Variants in FBXO9 observed in about 807,000 individuals in gnomAD.
FBXO9 encodes the protein F-box protein 9.
FBXO9 carries 43 observed loss-of-function variants against 63.7 expected under a neutral mutation model. The observed-to-expected ratio is 0.67, with a 90% confidence interval of 0.53 to 0.87. The LOEUF is 0.87. Among genes scored for constraint, FBXO9 ranks in the 40% least tolerant of loss-of-function variants. FBXO9 has a pLI of 0.00. For synonymous variants in FBXO9, 156 were observed against 171.7 expected, an observed-to-expected ratio of 0.91 and a Z score of 0.72; for missense variants, 442 against 533.2, an observed-to-expected ratio of 0.83 and a Z score of 1.68.
chr6:53,093,346 G>GC, intron 9 of FBXO9, 120 bp from the exon 10 acceptor site: 1 of 597,030 alleles, frequency 1.7e-6, no homozygotes, highest in Non-Finnish European at 2.9e-6. Context: ...CAGTTCTTTA[G>GC]CCCGTGGTAT....
intron 5 of FBXO9, among the ~76,000 whole-genome samples, chr6:53,079,652 G>T (rs1769241378): frequency 1.3e-5 from 2 of 152,074 alleles, no homozygotes; most frequent in East Asian, 3.8e-4. Flanking sequence ...GAAGAGAAGG[G>T]AGTCTGTACC....
In FBXO9 at chr6:53,068,657, T is replaced by G. The variant is rs542375943; in HGVS notation, c.4-2400T>G. Among the ~76,000 whole-genome samples, 358 of 148,462 alleles carry G rather than the reference T, an allele frequency of 2.4e-3. 1 individual carries two copies. The highest frequency in any genetic ancestry group is 7.7e-3 in the African/African-American group (315 of 40,848). ...TACGGAATATATATATATATGTGTT[T>G]TTTTTTTTTTTTTGAGACAGGGTCT... On this transcript the variant is annotated intron_variant, in intron 1 of 12. Coordinates refer to ENST00000323557, the MANE Select transcript of FBXO9 (RefSeq NM_033480.3).
intron 12 of FBXO9, 72 bp from the exon 13 acceptor site, chr6:53,097,650 C>A: frequency 1.2e-6 from 1 of 842,734 alleles, no homozygotes; most frequent in Non-Finnish European, 1.9e-6. Flanking sequence ...GAATAACCTT[C>A]CCCAAACACA....
rs757980268 is a variant in FBXO9, at chr6:53,081,092, A to G, written c.532A>G (p.Ile178Val). The G allele has an allele frequency of 3.7e-6, 6 of 1,609,428 alleles. No homozygotes were observed. The highest frequency in any genetic ancestry group is 3.3e-5 in the South Asian group (3 of 90,544). ...TGAGCTTGAGAGCAGTCAGATTCAC[A>G]TATCAGGTGTGAATACTTGTTTTTC... ...QPELESSQIH[I>V]SVLPMEVLMY... Residue 178 changes from isoleucine (I) to valine (V), a missense_variant, in exon 6 of 13, where the codon ATA becomes GTA. Physicochemically the swap from Ile to Val is conservative, Grantham distance 29 (BLOSUM62 3). Coordinates refer to ENST00000323557, the MANE Select transcript of FBXO9 (RefSeq NM_033480.3).
At chr6:53,066,070 C>G (rs1298463959) in intron 1 of FBXO9, 4 of 1,214,872 alleles carry the variant, frequency 3.3e-6, no homozygotes, top group Non-Finnish European at 4.1e-6. Context: ...GGGAAAATGT[C>G]CCTTCTCGGC....
At chr6:53,090,687 G>A (rs1763016255) in intron 7 of FBXO9, among the ~76,000 whole-genome samples, 1 of 152,056 alleles carries the variant, frequency 6.6e-6, no homozygotes. Flanking sequence ...ACTTATTTAT[G>A]AATGAATGAA....
chr6:53,091,140 G>A (rs1228221280), intron 7 of FBXO9: 1 of 152,138 alleles, frequency 6.6e-6, no homozygotes, highest in African/African-American at 2.4e-5. Context: ...ACCCAGGGAG[G>A]GGTGAACTAG....
chr6:53,073,481 GCAC>G lies in FBXO9; in HGVS notation c.92_94del (p.Ala31_Gln32delinsGlu). On this transcript the variant is annotated inframe_deletion and splice_region_variant, in exon 3 of 13. Transcript: ENST00000323557. ...TCCTAAAATGCTGTTCTCCCCATAG[GCAC>G]AACTCCAGATGTTCCGAGCTCAGTG... is the stretch of plus-strand genomic sequence containing the variant. 6.2e-7 allele frequency: 1 copy of G among 1,613,018 alleles called. No homozygotes were observed. Among genetic ancestry groups the G allele is most frequent in the Non-Finnish European group, 8.5e-7 (1 of 1,179,428 alleles).
Position 53,078,871 on chromosome 6 carries a change from C to T in FBXO9, c.380C>T (p.Pro127Leu). The change falls in exon 5 of 13, where the codon CCA becomes CTA. Residue 127 changes from proline (P) to leucine (L), a missense_variant. By Grantham distance (98) the Pro-to-Leu change is moderately conservative. This residue lies in a region of FBXO9 where 180 missense variants were observed against 171.1 expected (regional missense o/e 1.05). Transcript: ENST00000323557. ...IEFKITYTRS[P>L]DGDGVGNSYI... ...TTCAAGATTACTTATACCCGGTCTC[C>T]AGATGGTGATGGCGTTGGAAACAGC... 1.2e-6 allele frequency: 2 copies of T among 1,613,774 alleles called. No homozygotes were observed. The highest frequency in any genetic ancestry group is 8.5e-7 in the Non-Finnish European group (1 of 1,179,716).
At chr6:53,090,587 G>T (rs1264086294) in intron 7 of FBXO9, among the ~76,000 whole-genome samples, 2 of 152,194 alleles carry the variant, frequency 1.3e-5, no homozygotes, top group Non-Finnish European at 2.9e-5. Context: ...AACTTTAAAA[G>T]CAAACATTTT....
intron 7 of FBXO9, among the ~76,000 whole-genome samples, chr6:53,089,273 C>T (rs191782823): frequency 5.9e-5 from 9 of 152,166 alleles, no homozygotes; most frequent in African/African-American, 2.2e-4. Context: ...GATGGGGTTT[C>T]ACCATGTTAG....
chr6:53,075,734 A>ATTTTTTTTTTTTTTTTT lies in FBXO9; in HGVS notation c.250-750_250-749insTTTTTTTTTTTTTTTTT, dbSNP rs761159029. ...TAATTGGATTACATATATATATATAATTATTTTTTTTTTTTTTTTTTTTTT... is the reference window on the plus strand; with the variant it reads ...TAATTGGATTACATATATATATATAATTTTTTTTTTTTTTTTTTTATTTTTTTTTTTTTTTTTTTTTT... On this transcript the variant is annotated intron_variant, in intron 3 of 12. Transcript: ENST00000323557. Among the ~76,000 whole-genome samples the ATTTTTTTTTTTTTTTTT allele has an allele frequency of 7.3e-5, 6 of 82,180 alleles. 1 individual carries two copies. The highest frequency in any genetic ancestry group is 4.0e-4 in the East Asian group (1 of 2,472). The allele number at this position is 82,180 out of a possible 152,430, so 53.9% of individuals were successfully genotyped here.
chr6:53,070,643 A>G (rs1292540757), intron 1 of FBXO9, among the ~76,000 whole-genome samples: 1 of 152,204 alleles, frequency 6.6e-6, no homozygotes, highest in Non-Finnish European at 1.5e-5. Context: ...GTATATGAGA[A>G]GATGTGCATA....
In FBXO9 at chr6:53,087,922, C is replaced by T. The variant is rs550442547; in HGVS notation, c.654-4507C>T. Among the ~76,000 whole-genome samples, 21 of 152,290 alleles carry T rather than the reference C, an allele frequency of 1.4e-4. 1 individual carries two copies. In the South Asian group the frequency reaches 4.4e-3, roughly 32 times the overall value. ...TCTTCAATTATAGCCAACTTGACCA[C>T]ACACAAAATCTTTTATGAACCTTAT... On this transcript the variant is annotated intron_variant, in intron 7 of 12. Transcript: ENST00000323557.
chr6:53,097,779 G>A lies in FBXO9; in HGVS notation c.1263G>A (p.Leu421=). Residue 421 remains leucine, a synonymous_variant, in exon 13 of 13, where the codon TTG becomes TTA. Transcript: ENST00000323557. ...AGATTGACAAGATGTACACCCCCTT[G>A]TTCTTCGCCAGAGTAAGGAGCTACA... The part of the protein sequence containing the change: ...AFEIDKMYTP[L]FFARVRSYTA... 8.1e-6 allele frequency: 13 copies of A among 1,609,020 alleles called. No individual in the cohort carries two copies. The highest frequency in any genetic ancestry group is 1.1e-5 in the Non-Finnish European group (13 of 1,177,492).
At chr6:53,084,496 A>G (rs554780806) in intron 7 of FBXO9, among the ~76,000 whole-genome samples, 83 of 152,290 alleles carry the variant, frequency 5.5e-4, no homozygotes, top group African/African-American at 2.0e-3. Flanking sequence ...AAGTCTTATG[A>G]TATGGTTCTG....
intron 1 of FBXO9, among the ~76,000 whole-genome samples, chr6:53,070,009 C>CT (rs999829603): frequency 9.0e-6 from 1 of 111,618 alleles, no homozygotes; most frequent in East Asian, 2.6e-4. Flanking sequence ...TTTTTCTTTT[C>CT]TTTTTTCCTT....
chr6:53,087,341 CAAA>C (rs58776188), intron 7 of FBXO9, among the ~76,000 whole-genome samples: 1 of 48,418 alleles, frequency 2.1e-5, no homozygotes, highest in Non-Finnish European at 4.3e-5. Context: ...GATCCTATCT[CAAA>C]AAAAAAAAAA....
In FBXO9 at chr6:53,081,006, T is replaced by A. The variant is rs1455821305; in HGVS notation, c.446T>A (p.Leu149His). ...DNDDDSKMAD[L>H]LSYFQQQLTF... ...GATGATGACAGCAAAATGGCAGATC[T>A]CTTGTCCTACTTCCAGCAGCAACTC... The change falls in exon 6 of 13, where the codon CTC (leucine) becomes CAC (histidine). Residue 149 changes from leucine (L) to histidine (H), a missense_variant. By Grantham distance (99) the Leu-to-His change is moderately conservative. Around this residue, in one of 2 missense-constraint regions of FBXO9, gnomAD observed 262 missense variants for 362.1 expected, o/e 0.72. Transcript: ENST00000323557. The A allele has an allele frequency of 6.2e-7, 1 of 1,613,678 alleles. No individual in the cohort carries two copies. Among genetic ancestry groups the A allele is most frequent in the Non-Finnish European group, 8.5e-7 (1 of 1,179,890 alleles).
Sources: allele counts gnomAD v4.1 joint callset (sites outside exome capture counted in the v4.1 genomes callset), GRCh38; gene constraint gnomAD v4.1.1; regional missense constraint gnomAD v4.1.1; transcripts MANE v1.5; gene names NCBI Gene and HGNC (gene_info 2026-07-23, HGNC 2026-07-21).